ZNF93: variants seen among roughly 807,000 people sequenced by gnomAD.
ZNF93 encodes zinc finger protein 505.
Under a neutral mutation model 45.0 loss-of-function variants are expected in ZNF93, and 29 were observed. The observed-to-expected ratio is 0.64, with a 90% CI of 0.48 to 0.88. ZNF93 has a LOEUF of 0.88. ZNF93 is among the 40% of genes least tolerant of loss of function. ZNF93 has a pLI of 0.00. For missense variants in ZNF93, 578 were observed against 724.0 expected, an observed-to-expected ratio of 0.80 and a Z score of 2.31; for synonymous variants, 223 against 244.6, an observed-to-expected ratio of 0.91 and a Z score of 0.82.
intron 1 of ZNF93, among the ~76,000 whole-genome samples, chr19:19,910,109 T>C (rs1264567169): frequency 6.6e-6 from 1 of 152,110 alleles, no homozygotes. Flanking sequence ...ACTTTCCCCT[T>C]CCTCCTCTTG....
At chr19:19,912,803 T>TACTAA (rs1398863532) in intron 1 of ZNF93, among the ~76,000 whole-genome samples, 1 of 152,034 alleles carries the variant, frequency 6.6e-6, no homozygotes, top group East Asian at 1.9e-4. Context: ...GCTCCCCGGG[T>TACTAA]GTTAAGAGAA....
chr19:19,927,061 C>T (rs771763036), intron 3 of ZNF93: 6 of 397,800 alleles, frequency 1.5e-5, no homozygotes, highest in Non-Finnish European at 2.7e-5. Flanking sequence ...GTTTTAAAAA[C>T]ACATAACATA....
intron 3 of ZNF93, 93 bp downstream of exon 3, chr19:19,916,748 CTG>C: frequency 1.1e-6 from 1 of 925,972 alleles, no homozygotes; most frequent in Non-Finnish European, 1.6e-6. Context: ...ATTCGGGAAG[CTG>C]TGTTCCAAAG....
intron 1 of ZNF93, among the ~76,000 whole-genome samples, chr19:19,904,653 G>A (rs1469801649): frequency 1.3e-5 from 2 of 152,180 alleles, no homozygotes; most frequent in Non-Finnish European, 2.9e-5. Context: ...TACAGATTTG[G>A]TGCCAGAAAA....
chr19:19,933,893 A>G lies in ZNF93; in HGVS notation c.938A>G (p.Tyr313Cys), dbSNP rs763924071. ...AAAATTCATACTGGAGAGAAGCCCT[A>G]CGTTTGTGAAGAATGTGGCAAAGCC... is the stretch of plus-strand genomic sequence containing the variant. The part of the protein sequence containing the change: ...HKKIHTGEKP[Y>C]VCEECGKAFK... Residue 313 changes from tyrosine (Y) to cysteine (C), a missense_variant, in exon 4 of 4, where the codon TAC (tyrosine) becomes TGC (cysteine). Coordinates refer to ENST00000343769, the MANE Select transcript of ZNF93 (RefSeq NM_031218.4). 33 of 1,613,050 alleles carry G rather than the reference A, an allele frequency of 2.0e-5. No individual in the cohort carries two copies. In the Admixed American group the frequency reaches 4.2e-4, roughly 20 times the overall value.
chr19:19,907,495 G>A (rs1295628927), intron 1 of ZNF93, among the ~76,000 whole-genome samples: 1 of 151,692 alleles, frequency 6.6e-6, no homozygotes, highest in Non-Finnish European at 1.5e-5. Context: ...GCATAGTTAT[G>A]TGTAGTATTT....
chr19:19,929,936 TCAAAAAAA>T (rs2063368040), intron 3 of ZNF93, among the ~76,000 whole-genome samples: 1 of 19,222 alleles, frequency 5.2e-5, no homozygotes, highest in Non-Finnish European at 8.0e-5. Flanking sequence ...AGACTCCGTC[TCAAAAAAA>T]AAAAAAAAAA....
At chr19:19,908,182 C>G (rs918767330) in intron 1 of ZNF93, 1 of 152,086 alleles carries the variant, frequency 6.6e-6, no homozygotes, top group Non-Finnish European at 1.5e-5. Flanking sequence ...ATGTGGCCAC[C>G]AAAAACCATA....
chr19:19,910,817 T>C (rs1488388841), intron 1 of ZNF93, among the ~76,000 whole-genome samples: 4 of 152,158 alleles, frequency 2.6e-5, no homozygotes, highest in Non-Finnish European at 5.9e-5. Context: ...CTGCCTGGGA[T>C]TTACAAGAAA....
At chr19:19,921,977 C>T (rs1162167430) in intron 3 of ZNF93, among the ~76,000 whole-genome samples, 1 of 152,158 alleles carries the variant, frequency 6.6e-6, no homozygotes, top group East Asian at 1.9e-4. Context: ...TGAGTTTGAT[C>T]CTGTCATTAT....
chr19:19,932,467 G>A (rs756800103), intron 3 of ZNF93: 4 of 151,792 alleles, frequency 2.6e-5, no homozygotes, highest in Non-Finnish European at 4.4e-5. Flanking sequence ...TTTGCGGCTG[G>A]GTCACTTTAT....
chr19:19,911,608 T>A (rs1319399600), intron 1 of ZNF93, among the ~76,000 whole-genome samples: 1 of 152,176 alleles, frequency 6.6e-6, no homozygotes, highest in Non-Finnish European at 1.5e-5. Context: ...AGCTACTGGA[T>A]AAGTAATTGA....
chr19:19,902,628 C>T (rs962465371), intron 1 of ZNF93, among the ~76,000 whole-genome samples: 6 of 151,834 alleles, frequency 4.0e-5, no homozygotes. Flanking sequence ...AGCCTATTCA[C>T]CGGAGCCATG....
intron 3 of ZNF93, chr19:19,932,373 AT>A (rs2063377511): frequency 6.6e-6 from 1 of 152,272 alleles, no homozygotes; most frequent in Non-Finnish European, 1.5e-5. Flanking sequence ...AATCCTTTGT[AT>A]TTTGTGGTTC....
At chr19:19,926,487 GTT>G (rs35213406) in intron 3 of ZNF93, among the ~76,000 whole-genome samples, 1 of 138,522 alleles carries the variant, frequency 7.2e-6, no homozygotes. Flanking sequence ...TCAGTGTAGG[GTT>G]TTTTTTTTTT....
intron 2 of ZNF93, among the ~76,000 whole-genome samples, chr19:19,915,971 C>A (rs1038280876): frequency 6.6e-6 from 1 of 152,130 alleles, no homozygotes; most frequent in Non-Finnish European, 1.5e-5. Flanking sequence ...AATATTGTAG[C>A]CCCCACCTGA....
intron 1 of ZNF93, chr19:19,909,063 T>G (rs1218169926): frequency 3.9e-5 from 6 of 152,198 alleles, no homozygotes; most frequent in Admixed American, 2.0e-4. Flanking sequence ...AAACTGAGGC[T>G]GAAACACTGC....
chr19:19,930,523 CTG>C (rs1355120615), intron 3 of ZNF93, among the ~76,000 whole-genome samples: 1 of 148,274 alleles, frequency 6.7e-6, no homozygotes, highest in Non-Finnish European at 1.5e-5. Context: ...TTCCTTGACA[CTG>C]AGGCTACTGC....
At chr19:19,916,389 C>T (rs1411584849) in intron 2 of ZNF93, among the ~76,000 whole-genome samples, 171 bp from the exon 3 acceptor site, 2 of 152,170 alleles carry the variant, frequency 1.3e-5, no homozygotes, top group South Asian at 2.1e-4. Context: ...TGAGCCACTG[C>T]ACCCGGCAAA....
Sources: allele counts gnomAD v4.1 joint callset (sites outside exome capture counted in the v4.1 genomes callset), GRCh38; gene constraint gnomAD v4.1.1; transcripts MANE v1.5; gene names NCBI Gene and HGNC (gene_info 2026-07-23, HGNC 2026-07-21).